Variants in CSPP1 observed in about 807,000 individuals in gnomAD.
The protein encoded by CSPP1 is centrosome and spindle pole associated protein 1.
A neutral mutation model predicts 164.4 loss-of-function variants in CSPP1; 126 were observed. The ratio of observed to expected loss-of-function variants is 0.77; its 90% CI spans 0.66 to 0.89. CSPP1 has a LOEUF of 0.89. CSPP1 is among the 40% of genes least tolerant of loss of function. The pLI, the probability that CSPP1 is intolerant of heterozygous loss-of-function variation, is 0.00. For missense variants in CSPP1, 1,395 were observed against 1,449.8 expected, an observed-to-expected ratio of 0.96 and a Z score of 0.61; for synonymous variants, 472 against 476.7, an observed-to-expected ratio of 0.99 and a Z score of 0.13.
chr8:67,065,370 G>T (rs1805327355), intron 1 of CSPP1, among the ~76,000 whole-genome samples: 1 of 152,148 alleles, frequency 6.6e-6, no homozygotes, highest in Admixed American at 6.5e-5. Context: ...AACTAGGATT[G>T]CGGGGAAGAC....
intron 19 of CSPP1, among the ~76,000 whole-genome samples, chr8:67,155,407 C>T (rs1341746848): frequency 6.6e-6 from 1 of 152,214 alleles, no homozygotes; most frequent in Non-Finnish European, 1.5e-5. Context: ...ATTCCAAACT[C>T]TTAAATAGAT....
intron 28 of CSPP1, among the ~76,000 whole-genome samples, chr8:67,186,134 A>T (rs1834513174): frequency 1.3e-5 from 2 of 152,148 alleles, no homozygotes; most frequent in South Asian, 4.1e-4. Flanking sequence ...TTTGTTAAAA[A>T]TTTTCCATCA....
intron 15 of CSPP1, among the ~76,000 whole-genome samples, chr8:67,128,263 G>A (rs1171158404): frequency 6.6e-6 from 1 of 152,130 alleles, no homozygotes; most frequent in Non-Finnish European, 1.5e-5. Context: ...TGTTGGCCGG[G>A]TGCAGTGGCT....
At position 67,159,868 on chromosome 8, in the gene CSPP1, CTTTCTTTCTTTCTT is replaced by C. The variant is rs1272569048; in HGVS notation, c.2538+733_2538+746del. On this transcript the variant is annotated intron_variant, in intron 21 of 30. Coordinates refer to ENST00000678616, the MANE Select transcript of CSPP1 (RefSeq NM_001382391.1). ...TTTCTTTCTTTTTCTTTCTTTCTTTCTTTCTTTCTTTCTTTCTTTCTTTCTTTCTTTCTTTCTTT... is the reference window on the plus strand; with the variant it reads ...TTTCTTTCTTTTTCTTTCTTTCTTTCTCTTTCTTTCTTTCTTTCTTTCTTT... Among the ~76,000 whole-genome samples the C allele has an allele frequency of 9.6e-5, 4 of 41,630 alleles. 1 individual carries two copies. The East Asian group carries it at 2.5e-3, about 26-fold the overall frequency. 27.3% of individuals were successfully genotyped at this position (41,630 alleles called of 152,430 possible).
intron 3 of CSPP1, among the ~76,000 whole-genome samples, chr8:67,080,083 T>TTG (rs1808825988): frequency 6.6e-6 from 1 of 152,202 alleles, no homozygotes; most frequent in Non-Finnish European, 1.5e-5. Flanking sequence ...GCCTGATTAA[T>TTG]TGTGGCTTTA....
chr8:67,098,067 CCAGT>C (rs1813211411), intron 7 of CSPP1, among the ~76,000 whole-genome samples: 2 of 148,144 alleles, frequency 1.4e-5, no homozygotes, highest in South Asian at 2.1e-4. Flanking sequence ...AAAAAAAAGA[CCAGT>C]CATTCAGTAG....
At chr8:67,103,182 A>T in intron 8 of CSPP1, 47 bp downstream of exon 8, 2 of 1,159,464 alleles carry the variant, frequency 1.7e-6, no homozygotes, top group Non-Finnish European at 2.6e-6. Flanking sequence ...TACATTGTGA[A>T]ACAGAATGTG....
Position 67,064,396 on chromosome 8 carries a change from G to T in CSPP1, c.-153G>T, listed in dbSNP as rs758455894. On this transcript the variant is annotated 5_prime_UTR_variant, in exon 1 of 31. Coordinates refer to ENST00000678616, the MANE Select transcript of CSPP1 (RefSeq NM_001382391.1). ...GGGCGGAGCCCCGGCCCGGAGGTCT[G>T]TCATGCTGTTCCCGCTCCAGGTGGC... 1 of 1,613,286 alleles carries T rather than the reference G, an allele frequency of 6.2e-7. No individual in the cohort carries two copies. The highest frequency in any genetic ancestry group is 1.1e-5 in the South Asian group (1 of 91,020).
chr8:67,131,182 C>CT (rs1327239003), intron 15 of CSPP1, among the ~76,000 whole-genome samples: 1 of 151,982 alleles, frequency 6.6e-6, no homozygotes, highest in Non-Finnish European at 1.5e-5. Context: ...ATCACTTGAG[C>CT]TTAGAAGTTC....
chr8:67,160,414 G>A (rs1238283079), intron 21 of CSPP1, among the ~76,000 whole-genome samples: 3 of 149,956 alleles, frequency 2.0e-5, no homozygotes, highest in Non-Finnish European at 4.4e-5. Context: ...GCAGTGAGCC[G>A]TGACTGCACT....
At position 67,158,521 on chromosome 8, in the gene CSPP1, G is replaced by A. The variant is rs1827105533; in HGVS notation, c.2316G>A (p.Arg772=). The A allele has an allele frequency of 2.1e-5, 34 of 1,612,904 alleles. No individual in the cohort carries two copies. Among genetic ancestry groups the A allele is most frequent in the Non-Finnish European group, 2.9e-5 (34 of 1,179,236 alleles). The change falls in exon 20 of 31, where the codon CGG becomes CGA. Residue 772 remains arginine, a synonymous_variant. Coordinates refer to ENST00000678616, the MANE Select transcript of CSPP1 (RefSeq NM_001382391.1). ...TTGCAGAAGAAAAAGAAGAAAGACG[G>A]CTTGCAGAACAGAGGGCACGAATTC... ...LRIAEEKEER[R]LAEQRARIQQ...
Position 67,132,843 on chromosome 8 carries a change from A to G in CSPP1, c.1827+763A>G, listed in dbSNP as rs184714985. On this transcript the variant is annotated intron_variant, in intron 16 of 30. Coordinates refer to ENST00000678616, the MANE Select transcript of CSPP1 (RefSeq NM_001382391.1). ...ATTTGCAGAGAATTTAAGAGTAACTATCAAATGTATGGGGTTCTTTGTGGG... is the reference window on the plus strand; with the variant it reads ...ATTTGCAGAGAATTTAAGAGTAACTGTCAAATGTATGGGGTTCTTTGTGGG... 3.3e-5 allele frequency among the ~76,000 whole-genome samples: 5 copies of G among 152,350 alleles called. No individual in the cohort carries two copies. The East Asian group carries it at 9.6e-4, about 29-fold the overall frequency.
intron 9 of CSPP1, among the ~76,000 whole-genome samples, chr8:67,107,279 C>T (rs937419074): frequency 3.3e-5 from 5 of 152,162 alleles, no homozygotes; most frequent in Non-Finnish European, 5.9e-5. Context: ...AACTCCTGAC[C>T]TCAAGTGATG....
Position 67,118,322 on chromosome 8 carries a change from A to G in CSPP1, c.1571A>G (p.Tyr524Cys). ...TNYRTPYDDA[Y>C]YFYGSRNTFD... ...TATCGAACTCCTTATGATGATGCAT[A>G]CTATTTTTATGGGTCCAGGAATACT... The change falls in exon 14 of 31, where the codon TAC becomes TGC. Residue 524 changes from tyrosine to cysteine, a missense_variant. Physicochemically the swap from Tyr to Cys is radical, Grantham distance 194. Transcript: ENST00000678616. 6.2e-7 allele frequency: 1 copy of G among 1,613,534 alleles called. No individual in the cohort carries two copies. The highest frequency in any genetic ancestry group is 8.5e-7 in the Non-Finnish European group (1 of 1,179,534).
chr8:67,066,184 T>C (rs1220187261), intron 1 of CSPP1, among the ~76,000 whole-genome samples: 1 of 152,192 alleles, frequency 6.6e-6, no homozygotes, highest in Non-Finnish European at 1.5e-5. Context: ...TCTCTCTTTG[T>C]ATCCTGTCTC....
intron 24 of CSPP1, among the ~76,000 whole-genome samples, chr8:67,166,793 A>G (rs1021921580): frequency 1.3e-5 from 2 of 151,180 alleles, no homozygotes; most frequent in Non-Finnish European, 2.9e-5. Flanking sequence ...GTAGGGTCAT[A>G]GGACAATAGT....
At chr8:67,120,987 G>A (rs1439961442) in intron 15 of CSPP1, among the ~76,000 whole-genome samples, 5 of 151,756 alleles carry the variant, frequency 3.3e-5, no homozygotes, top group African/African-American at 4.8e-5. Context: ...CTGAGAAACT[G>A]GGATTAAAGG....
Position 67,195,660 on chromosome 8 carries a change from T to G in CSPP1, c.*67T>G. 1 of 1,395,660 alleles carries G rather than the reference T, an allele frequency of 7.2e-7. No homozygotes were observed. Among genetic ancestry groups the G allele is most frequent in the Non-Finnish European group, 1.0e-6 (1 of 997,982 alleles). The allele number at this position is 1,395,660 out of a possible 1,614,324, so 86.5% of individuals were successfully genotyped here. A position where few individuals can be genotyped will look rare whatever the true frequency, so the allele number is the denominator to read the frequency against. ...AGGAATGGTAAATCTGTACCTTTAA[T>G]ATGTCCTACTTTTGGCCCCTACCTG... On this transcript the variant is annotated 3_prime_UTR_variant, in exon 31 of 31. Transcript: ENST00000678616.
chr8:67,188,322 T>A (rs778274419), intron 28 of CSPP1, among the ~76,000 whole-genome samples: 2 of 152,236 alleles, frequency 1.3e-5, no homozygotes, highest in Non-Finnish European at 2.9e-5. Context: ...TAAGAATTCC[T>A]AAGCCTAGCT....
Sources: allele counts gnomAD v4.1 joint callset (sites outside exome capture counted in the v4.1 genomes callset), GRCh38; gene constraint gnomAD v4.1.1; transcripts MANE v1.5; gene names NCBI Gene and HGNC (gene_info 2026-07-23, HGNC 2026-07-21).